Variants in LMF1 observed in about 807,000 individuals in gnomAD.
LMF1 encodes the protein transmembrane protein 112.
In LMF1, 68 loss-of-function variants were observed where a neutral mutation model predicts 60.6. The observed-to-expected ratio is 1.12, with a 90% CI of 0.92 to 1.37. The LOEUF is 1.37. LMF1 is among the 40% of genes most tolerant of loss of function. LMF1 has a pLI of 0.00. For synonymous variants in LMF1, 418 were observed against 324.7 expected, an observed-to-expected ratio of 1.29 and a Z score of -3.09; for missense variants, 948 against 767.2, an observed-to-expected ratio of 1.24 and a Z score of -2.78.
At chr16:924,853 G>T (rs1167202383) in intron 3 of LMF1, among the ~76,000 whole-genome samples, 1 of 152,244 alleles carries the variant, frequency 6.6e-6, no homozygotes, top group African/African-American at 2.4e-5. Flanking sequence ...CCCATAAAGG[G>T]GATGATCTAT....
At chr16:877,690 G>A (rs1303323467) in intron 6 of LMF1, among the ~76,000 whole-genome samples, 1 of 152,120 alleles carries the variant, frequency 6.6e-6, no homozygotes, top group Non-Finnish European at 1.5e-5. Context: ...CGGGGTGGCG[G>A]GCCCTCCCTG....
intron 10 of LMF1, among the ~76,000 whole-genome samples, chr16:858,389 TCGGGACGGGTGTGAGTGGTGTCA>T (rs2069281365): frequency 5.3e-4 from 11 of 20,906 alleles, no homozygotes; most frequent in African/African-American, 1.5e-3. Context: ...GAGTGGTGTC[TCGGGACGGGTGTGAGTGGTGTCA>T]CGGGACGGGT....
intron 10 of LMF1, among the ~76,000 whole-genome samples, chr16:859,266 G>A (rs2069343044): frequency 8.3e-6 from 1 of 119,790 alleles, no homozygotes; most frequent in Admixed American, 7.6e-5. Flanking sequence ...CACGGGACGG[G>A]TGTGAGTGGT....
At chr16:973,728 C>T (rs913260211), upstream of LMF1, among the ~76,000 whole-genome samples, 3 of 152,140 alleles carry the variant, frequency 2.0e-5, no homozygotes, top group Non-Finnish European at 4.4e-5. Context: ...AGGCCGGGCA[C>T]CGGGGCTCAC....
chr16:879,325 G>A (rs2070090622), intron 6 of LMF1, among the ~76,000 whole-genome samples: 2 of 152,346 alleles, frequency 1.3e-5, no homozygotes, highest in Middle Eastern at 3.4e-3. Context: ...TCTCGCAGCT[G>A]CAGGAAACGC....
intron 4 of LMF1, among the ~76,000 whole-genome samples, chr16:905,620 T>C (rs1360417199): frequency 6.6e-6 from 1 of 152,228 alleles, no homozygotes; most frequent in Non-Finnish European, 1.5e-5. Context: ...ATTATCTTTA[T>C]TATTGAACTT....
chr16:972,518 G>C (rs2073069392), upstream of LMF1, among the ~76,000 whole-genome samples: 1 of 152,180 alleles, frequency 6.6e-6, no homozygotes, highest in Non-Finnish European at 1.5e-5. Context: ...AGCCCACACT[G>C]TTCCCCTCAT....
In LMF1 at chr16:854,647, G is replaced by GCGGCGTGCCTGCCC. The variant is rs1196239204; in HGVS notation, c.1575_1588dup (p.Ala530GlyfsTer28). 1 of 1,606,142 alleles carries GCGGCGTGCCTGCCC rather than the reference G, an allele frequency of 6.2e-7. No homozygotes were observed. Among genetic ancestry groups the GCGGCGTGCCTGCCC allele is most frequent in the East Asian group, 2.2e-5 (1 of 44,666 alleles). On this transcript the variant is annotated frameshift_variant, in exon 11 of 11. Coordinates refer to ENST00000262301, the MANE Select transcript of LMF1 (RefSeq NM_022773.4). LOFTEE classifies it low-confidence loss of function (END_TRUNC). The stretch of plus-strand genomic sequence containing the variant: ...CTTCCGCACCCACCACTTGCCCTCG[G>GCGGCGTGCCTGCCC]CGGCGTGCCTGCCCCCAGGACGGCT...
rs1036480709 is a variant in LMF1, at chr16:874,565, G to C, written c.898-3224C>G. ...TTGTGCACCTCTCCAGGCAGGCAGCGGCCCCAGGGCCCCGCGGAACCCTCC... is the reference window on the plus strand; with the variant it reads ...TTGTGCACCTCTCCAGGCAGGCAGCCGCCCCAGGGCCCCGCGGAACCCTCC... On this transcript the variant is annotated intron_variant, in intron 6 of 10. Transcript: ENST00000262301. The surrounding 1 kb of genome is among the most constrained non-coding windows in gnomAD (Gnocchi z 4.1). Among the ~76,000 whole-genome samples the C allele has an allele frequency of 2.0e-5, 3 of 152,322 alleles. No individual in the cohort carries two copies. Among genetic ancestry groups the C allele is most frequent in the Admixed American group, 2.0e-4 (3 of 15,306 alleles).
intron 3 of LMF1, among the ~76,000 whole-genome samples, chr16:913,010 C>T (rs1408308008): frequency 6.6e-6 from 1 of 152,194 alleles, no homozygotes; most frequent in Non-Finnish European, 1.5e-5. Flanking sequence ...AACGAGGCGG[C>T]AACACGCAGG....
At chr16:871,530 G>T in intron 6 of LMF1, 189 bp from the exon 7 acceptor site, 1 of 611,418 alleles carries the variant, frequency 1.6e-6, no homozygotes, top group Non-Finnish European at 2.9e-6. Flanking sequence ...AGATGCCTCA[G>T]AGGTGCCTTC....
At chr16:943,613 G>A (rs2072163876) in intron 2 of LMF1, among the ~76,000 whole-genome samples, 1 of 150,284 alleles carries the variant, frequency 6.7e-6, no homozygotes, top group Non-Finnish European at 1.5e-5. Context: ...TATAATCCCA[G>A]CTACTTGGGA....
intron 5 of LMF1, chr16:881,641 C>T (rs1335219559): frequency 6.6e-6 from 1 of 152,294 alleles, no homozygotes; most frequent in Admixed American, 6.5e-5. Flanking sequence ...CCATGTGGGA[C>T]CCACCCCCTA....
rs561031443 is a variant in LMF1 at position 882,570 on chromosome 16, G to C, written c.730-2833C>G. ...CGTGAATGACCCCACCTGACACCAC[G>C]TGCAGCAGAAGAGCCACCCAGGGGA... On this transcript the variant is annotated intron_variant, in intron 5 of 10. Coordinates refer to ENST00000262301, the MANE Select transcript of LMF1 (RefSeq NM_022773.4). Among the ~76,000 whole-genome samples the C allele has an allele frequency of 3.3e-5, 5 of 152,350 alleles. No individual in the cohort carries two copies. In the East Asian group the frequency reaches 9.6e-4, roughly 29 times the overall value.
intron 3 of LMF1, chr16:933,871 G>GT (rs1243709621): frequency 2.1e-6 from 2 of 974,862 alleles, no homozygotes; most frequent in Non-Finnish European, 1.4e-6. Flanking sequence ...GCCCACCAGC[G>GT]TGAGTGCCGT....
chr16:953,181 C>T (rs1283932000), intron 2 of LMF1, among the ~76,000 whole-genome samples: 1 of 122,290 alleles, frequency 8.2e-6, no homozygotes, highest in South Asian at 2.8e-4. Context: ...ACACAGACAC[C>T]CCAAACCAGC....
chr16:932,288 G>A (rs1369854445), intron 3 of LMF1, among the ~76,000 whole-genome samples: 1 of 152,228 alleles, frequency 6.6e-6, no homozygotes, highest in Non-Finnish European at 1.5e-5. Context: ...CTGTGGCCCT[G>A]GTGCTGAGAC....
chr16:954,701 G>A (rs1410103865), intron 1 of LMF1, 35 bp from the exon 2 acceptor site: 1 of 1,546,638 alleles, frequency 6.5e-7, no homozygotes. Flanking sequence ...AGCATGACTA[G>A]GAACAAACCA....
intron 5 of LMF1, among the ~76,000 whole-genome samples, chr16:888,610 C>T (rs183503326): frequency 1.2e-4 from 19 of 152,322 alleles, no homozygotes; most frequent in East Asian, 1.9e-4. Flanking sequence ...GCATCCGCGT[C>T]GTCAGGCAAC....
Sources: gnomAD v4.1 joint callset for allele counts (sites outside exome capture counted in the v4.1 genomes callset) on GRCh38, gnomAD v4.1.1 for gene constraint, Gnocchi (gnomAD v3.1) non-coding constraint, MANE v1.5 for transcripts, NCBI Gene and HGNC (gene_info 2026-07-23, HGNC 2026-07-21) for gene names.